The following DMXL2 variants were observed in gnomAD, a reference collection of about 807,000 sequenced individuals.
The protein encoded by DMXL2 is Dmx like 2.
In DMXL2, 103 loss-of-function variants were observed where a neutral mutation model predicts 331.1. The observed-to-expected ratio is 0.31, with a 90% CI of 0.27 to 0.37. The LOEUF (loss-of-function observed/expected upper bound fraction) is 0.37, where lower values mean the gene tolerates loss of function less well. Ranked by LOEUF, DMXL2 falls within the 10% of genes least tolerant of loss-of-function variation. The pLI is 1.00. For missense variants in DMXL2, 3,171 were observed against 3,642.9 expected, an observed-to-expected ratio of 0.87 and a Z score of 3.33; for synonymous variants, 1,281 against 1,252.1, an observed-to-expected ratio of 1.02 and a Z score of -0.49.
intron 1 of DMXL2, among the ~76,000 whole-genome samples, chr15:51,593,195 G>A (rs1484723785): frequency 1.3e-5 from 2 of 152,050 alleles, no homozygotes; most frequent in South Asian, 2.1e-4. Context: ...ACACACATAC[G>A]CTCAAAACAA....
At chr15:51,466,458 T>C in intron 29 of DMXL2, 147 bp from the exon 30 acceptor site, 1 of 263,204 alleles carries the variant, frequency 3.8e-6, no homozygotes, top group Non-Finnish European at 6.3e-6. Flanking sequence ...GTAAACATTT[T>C]AAATGGTGTC....
At chr15:51,479,020 C>G (rs1211625076) in intron 25 of DMXL2, among the ~76,000 whole-genome samples, 1 of 151,996 alleles carries the variant, frequency 6.6e-6, no homozygotes, top group East Asian at 1.9e-4. Flanking sequence ...AGTTTCATAC[C>G]TTATACAGAT....
chr15:51,502,506 A>G (rs1345724426), intron 17 of DMXL2, among the ~76,000 whole-genome samples: 1 of 152,114 alleles, frequency 6.6e-6, no homozygotes, highest in African/African-American at 2.4e-5. Flanking sequence ...TATTTTTAGT[A>G]CAGACATGGT....
At chr15:51,536,113 C>A (rs2048271696) in intron 12 of DMXL2, 53 bp downstream of exon 12, 2 of 1,412,184 alleles carry the variant, frequency 1.4e-6, no homozygotes, top group Non-Finnish European at 1.9e-6. Context: ...TCGTATATAA[C>A]AAATAATAGT....
At chr15:51,605,038 T>C (rs2053484098) in intron 1 of DMXL2, among the ~76,000 whole-genome samples, 1 of 113,936 alleles carries the variant, frequency 8.8e-6, no homozygotes, top group South Asian at 2.7e-4. Flanking sequence ...GATGTTCATA[T>C]ATCAAAAAAA....
chr15:51,622,628 C>A lies in DMXL2; in HGVS notation c.-83G>T. On this transcript the variant is annotated 5_prime_UTR_variant, in exon 1 of 44. Transcript: ENST00000560891. ...CCTCCTCGGGCTGCGAGAGCCGTTT[C>A]CCTCTGTGCCTCCCTCGGAAACCCG... 1 of 1,470,068 alleles carries A rather than the reference C, an allele frequency of 6.8e-7. No individual in the cohort carries two copies. The highest frequency in any genetic ancestry group is 9.0e-7 in the Non-Finnish European group (1 of 1,105,446). 91.1% of individuals were successfully genotyped at this position (1,470,068 alleles called of 1,614,324 possible). A position where few individuals can be genotyped will look rare whatever the true frequency, so the allele number is the denominator to read the frequency against.
At chr15:51,488,982 G>A (rs2042600386) in intron 20 of DMXL2, among the ~76,000 whole-genome samples, 1 of 152,168 alleles carries the variant, frequency 6.6e-6, no homozygotes, top group Non-Finnish European at 1.5e-5. Context: ...TAGATAAAGT[G>A]ACTGAGACAG....
intron 1 of DMXL2, among the ~76,000 whole-genome samples, chr15:51,599,208 G>T (rs1249927608): frequency 6.6e-6 from 1 of 152,050 alleles, no homozygotes; most frequent in Non-Finnish European, 1.5e-5. Context: ...TTACTTTCTG[G>T]CACAAGAAAT....
chr15:51,464,092 TA>T (rs1226809266), intron 32 of DMXL2, among the ~76,000 whole-genome samples: 1 of 152,170 alleles, frequency 6.6e-6, no homozygotes, highest in African/African-American at 2.4e-5. Flanking sequence ...AAAAATTCTG[TA>T]AGAGTTCTGA....
At chr15:51,507,321 A>T (rs530231695) in intron 15 of DMXL2, 68 bp from the exon 16 acceptor site, 2 of 1,437,994 alleles carry the variant, frequency 1.4e-6, no homozygotes, top group South Asian at 2.7e-5. Context: ...CACTTTTTAA[A>T]AGCTACCACC....
chr15:51,561,296 G>C (rs1162973105), intron 6 of DMXL2, among the ~76,000 whole-genome samples: 1 of 152,238 alleles, frequency 6.6e-6, no homozygotes, highest in Admixed American at 6.5e-5. Flanking sequence ...TAGTTGGATA[G>C]TGTGCTTTGG....
intron 26 of DMXL2, among the ~76,000 whole-genome samples, chr15:51,477,103 A>T (rs1157810140): frequency 6.6e-6 from 1 of 152,064 alleles, no homozygotes; most frequent in African/African-American, 2.4e-5. Context: ...AGTAGGTTGC[A>T]TTTCTTTTCT....
intron 17 of DMXL2, among the ~76,000 whole-genome samples, chr15:51,501,169 C>T (rs2043570036): frequency 6.6e-6 from 1 of 152,166 alleles, no homozygotes; most frequent in African/African-American, 2.4e-5. Context: ...CAAGAGTACA[C>T]TCTTCTCAAT....
intron 6 of DMXL2, among the ~76,000 whole-genome samples, chr15:51,557,438 GTCAATTCTCCCCAAACTGACCTAC>G (rs2049671798): frequency 7.9e-5 from 12 of 152,032 alleles, no homozygotes; most frequent in African/African-American, 2.9e-4. Context: ...TAGTAAAGAT[GTCAATTCTCCCCAAACTGACCTAC>G]ACAGTCAATG....
chr15:51,588,675 C>A (rs955489251), intron 1 of DMXL2, among the ~76,000 whole-genome samples: 2 of 152,106 alleles, frequency 1.3e-5, no homozygotes, highest in African/African-American at 4.8e-5. Context: ...AACAGTGTCC[C>A]AAAAACTTTG....
intron 6 of DMXL2, among the ~76,000 whole-genome samples, chr15:51,562,158 T>C (rs529720153): frequency 7.4e-4 from 112 of 152,288 alleles, no homozygotes; most frequent in African/African-American, 2.4e-3. Context: ...TTTGAGGTGA[T>C]GGATATCCTA....
At chr15:51,460,056 T>C (rs758097220) in intron 33 of DMXL2, 6 of 952,638 alleles carry the variant, frequency 6.3e-6, no homozygotes, top group Non-Finnish European at 7.5e-6. Flanking sequence ...AAAATATTTA[T>C]TTCTAAACAT....
intron 1 of DMXL2, among the ~76,000 whole-genome samples, chr15:51,591,765 C>T (rs960654655): frequency 3.3e-5 from 5 of 152,136 alleles, no homozygotes; most frequent in Admixed American, 1.3e-4. Flanking sequence ...CACCAATATC[C>T]GCTGTTCTGC....
chr15:51,596,641 G>A (rs888871239), intron 1 of DMXL2, among the ~76,000 whole-genome samples: 7 of 152,248 alleles, frequency 4.6e-5, no homozygotes, highest in African/African-American at 7.2e-5. Context: ...CTGCGGCACT[G>A]TTCACAATAG....
Sources: allele counts gnomAD v4.1 joint callset (sites outside exome capture counted in the v4.1 genomes callset), GRCh38; gene constraint gnomAD v4.1.1; transcripts MANE v1.5; gene names NCBI Gene and HGNC (gene_info 2026-07-23, HGNC 2026-07-21).